ZFHX3: variants seen among roughly 807,000 people sequenced by gnomAD.
ZFHX3 encodes zinc finger homeobox protein 3.
A neutral mutation model predicts 279.1 loss-of-function variants in ZFHX3; 42 were observed. That is an observed-to-expected ratio of 0.15 (90% CI 0.12 to 0.19). The LOEUF is 0.19. Among genes scored for constraint, ZFHX3 ranks in the 10% least tolerant of loss-of-function variants. The pLI, the probability that ZFHX3 is intolerant of heterozygous loss-of-function variation, is 1.00. For synonymous variants in ZFHX3, 2,293 were observed against 1,957.8 expected (o/e 1.17, Z -4.52); for missense variants, 4,981 against 4,754.0 (o/e 1.05, Z -1.40).
chr16:73,776,167 G>C (rs976324314), intron 1 of ZFHX3, among the ~76,000 whole-genome samples: 2 of 152,104 alleles, frequency 1.3e-5, no homozygotes, highest in African/African-American at 4.8e-5. Flanking sequence ...TGCAAATCGC[G>C]TTGTGCTTCC....
chr16:73,602,418 C>G (rs549732457), intron 2 of ZFHX3, among the ~76,000 whole-genome samples: 1 of 152,174 alleles, frequency 6.6e-6, no homozygotes, highest in Non-Finnish European at 1.5e-5. Flanking sequence ...CTTTCTATTA[C>G]GAGAACTTCT....
At chr16:73,674,160 C>A (rs2052930867) in intron 2 of ZFHX3, among the ~76,000 whole-genome samples, 1 of 152,046 alleles carries the variant, frequency 6.6e-6, no homozygotes, top group Non-Finnish European at 1.5e-5. Flanking sequence ...ACAAAATAAG[C>A]ATGTGATGAA....
intron 4 of ZFHX3, among the ~76,000 whole-genome samples, chr16:73,263,720 C>T (rs2144971089): frequency 6.6e-6 from 1 of 152,334 alleles, no homozygotes; most frequent in South Asian, 2.1e-4. Flanking sequence ...CAGGAGTCCT[C>T]CTGTCCCACC....
At chr16:72,853,922 C>A (rs1420034118) in intron 4 of ZFHX3, among the ~76,000 whole-genome samples, 6 of 150,902 alleles carry the variant, frequency 4.0e-5, no homozygotes, top group African/African-American at 1.5e-4. Flanking sequence ...CTCTTTATGG[C>A]CTCCGCTGTT....
At chr16:73,408,740 T>G (rs549043882) in intron 3 of ZFHX3, among the ~76,000 whole-genome samples, 2 of 152,186 alleles carry the variant, frequency 1.3e-5, no homozygotes, top group South Asian at 4.1e-4. Flanking sequence ...ATTGGCCAGA[T>G]GCTGCTGTGT....
chr16:73,682,894 G>A (rs1373898106), intron 1 of ZFHX3, among the ~76,000 whole-genome samples: 1 of 41,044 alleles, frequency 2.4e-5, no homozygotes, highest in Non-Finnish European at 4.5e-5. Flanking sequence ...AAGAAAGAAA[G>A]AAAGAAAGAA....
intron 4 of ZFHX3, among the ~76,000 whole-genome samples, chr16:73,293,367 T>G (rs1403083808): frequency 1.3e-5 from 2 of 152,150 alleles, no homozygotes; most frequent in Non-Finnish European, 2.9e-5. Flanking sequence ...ACTGACTGAT[T>G]TGCAGGAGGA....
intron 2 of ZFHX3, among the ~76,000 whole-genome samples, chr16:73,461,518 G>GT (rs1322331865): frequency 1.1e-4 from 16 of 152,110 alleles, no homozygotes; most frequent in African/African-American, 3.9e-4. Context: ...ATAGTTTTAT[G>GT]TTTTGCATTG....
intron 1 of ZFHX3, among the ~76,000 whole-genome samples, chr16:73,031,080 T>C (rs1404787177): frequency 6.6e-6 from 1 of 152,326 alleles, no homozygotes; most frequent in South Asian, 2.1e-4. Context: ...TTTAGGTAAA[T>C]AGGATATTTA....
chr16:73,379,855 C>A (rs12927743), intron 3 of ZFHX3, among the ~76,000 whole-genome samples: 38,879 of 152,098 alleles, frequency 0.26, 5,560 homozygotes, highest in East Asian at 0.6. Flanking sequence ...TGCAGAGTGT[C>A]TGTGCAATGC....
At chr16:73,804,358 A>G (rs139300111) in intron 1 of ZFHX3, among the ~76,000 whole-genome samples, 42 of 152,340 alleles carry the variant, frequency 2.8e-4, no homozygotes, top group Non-Finnish European at 5.0e-4. Flanking sequence ...AGCTTTACCA[A>G]TAAGATCCCT....
At chr16:73,601,359 A>G (rs2052114445) in intron 2 of ZFHX3, among the ~76,000 whole-genome samples, 6 of 150,986 alleles carry the variant, frequency 4.0e-5, no homozygotes, top group Admixed American at 4.0e-4. Context: ...AATCTCAGCT[A>G]CTCAGGACAC....
intron 3 of ZFHX3, among the ~76,000 whole-genome samples, chr16:73,418,475 A>G (rs868412341): frequency 2.0e-5 from 3 of 152,244 alleles, no homozygotes; most frequent in Non-Finnish European, 4.4e-5. Context: ...TGTTTGTTCT[A>G]CATAGTGTGT....
chr16:73,475,066 C>T (rs2018741480), intron 2 of ZFHX3, among the ~76,000 whole-genome samples: 1 of 152,162 alleles, frequency 6.6e-6, no homozygotes, highest in South Asian at 2.1e-4. Flanking sequence ...GTCTTCCTGC[C>T]TTCCCTCTGC....
intron 2 of ZFHX3, among the ~76,000 whole-genome samples, chr16:73,551,804 A>G (rs2020207799): frequency 6.6e-6 from 1 of 152,236 alleles, no homozygotes; most frequent in Non-Finnish European, 1.5e-5. Context: ...TTATAGATTC[A>G]GAGACTTCAA....
At chr16:73,021,904 A>G (rs565804544) in intron 1 of ZFHX3, among the ~76,000 whole-genome samples, 1 of 151,736 alleles carries the variant, frequency 6.6e-6, no homozygotes, top group Admixed American at 6.6e-5. Flanking sequence ...AATGCACACA[A>G]GGAAGACAGC....
chr16:73,602,935 C>CT (rs150345831), intron 2 of ZFHX3, among the ~76,000 whole-genome samples: 79,050 of 126,120 alleles, frequency 0.63, 24,388 homozygotes, highest in East Asian at 0.81. Flanking sequence ...GAGACTCTGA[C>CT]TCAAAAAAAA....
At chr16:73,267,563 C>T (rs1365793514) in intron 4 of ZFHX3, among the ~76,000 whole-genome samples, 1 of 152,108 alleles carries the variant, frequency 6.6e-6, no homozygotes, top group Non-Finnish European at 1.5e-5. Flanking sequence ...TCAATGACAT[C>T]CGGTGGTGGT....
intron 2 of ZFHX3, among the ~76,000 whole-genome samples, chr16:73,550,685 G>A (rs982118861): frequency 2.0e-5 from 3 of 152,004 alleles, no homozygotes; most frequent in Admixed American, 1.3e-4. Context: ...TCTAAGCACC[G>A]CTTATATAGT....
Sources: allele counts gnomAD v4.1 joint callset (sites outside exome capture counted in the v4.1 genomes callset), GRCh38; gene constraint gnomAD v4.1.1; transcripts MANE v1.5; gene names NCBI Gene and HGNC (gene_info 2026-07-23, HGNC 2026-07-21).